The following GNGT1 variants were observed in gnomAD, a reference collection of about 807,000 sequenced individuals.
GNGT1 encodes the protein G protein subunit gamma transducin 1, also known as guanine nucleotide-binding protein G(T) subunit gamma-T1.
In GNGT1, 4 loss-of-function variants were observed where a neutral mutation model predicts 7.4. The ratio of observed to expected loss-of-function variants is 0.54; its 90% CI spans 0.27 to 1.24. GNGT1 has a LOEUF of 1.24. GNGT1 is among the 50% of genes most tolerant of loss of function. GNGT1 has a pLI of 0.12. For missense variants in GNGT1, 95 were observed against 82.4 expected (o/e 1.15, Z -0.59); for synonymous variants, 37 against 30.2 (o/e 1.23, Z -0.74).
intron 2 of GNGT1, among the ~76,000 whole-genome samples, chr7:93,909,064 CT>C (rs1794419959): frequency 6.6e-6 from 1 of 152,124 alleles, no homozygotes; most frequent in Admixed American, 6.5e-5. Context: ...ATTATTGATT[CT>C]ATGAACCAGA....
Position 93,906,720 on chromosome 7 carries a change from CCTT to C in GNGT1, c.-11-13_-11-11del, listed in dbSNP as rs769341718. The C allele has an allele frequency of 5.9e-6, 8 of 1,365,404 alleles. No individual in the cohort carries two copies. In the African/African-American group the frequency reaches 1.2e-4, roughly 20 times the overall value. 84.6% of individuals were successfully genotyped at this position (1,365,404 alleles called of 1,614,324 possible). A position where few individuals can be genotyped will look rare whatever the true frequency, so the allele number is the denominator to read the frequency against. ...CCAGCAATTCATGCATAGCTGCTAACCTTCTACATCTTCAGCAGGCAAAAAGAT... is the reference window on the plus strand; with the variant it reads ...CCAGCAATTCATGCATAGCTGCTAACCTACATCTTCAGCAGGCAAAAAGAT... On this transcript the variant is annotated splice_polypyrimidine_tract_variant and intron_variant, in intron 1 of 2. Coordinates refer to ENST00000248572, the MANE Select transcript of GNGT1 (RefSeq NM_021955.5).
chr7:93,910,296 C>A (rs568451094), intron 2 of GNGT1: 2 of 152,282 alleles, frequency 1.3e-5, no homozygotes, highest in African/African-American at 4.8e-5. Flanking sequence ...TTGAAGCTCA[C>A]CTAGTGCACC....
rs776376731 is a variant in GNGT1, at chr7:93,910,869, A to T, written c.176A>T (p.Glu59Val). The T allele has an allele frequency of 1.2e-6, 2 of 1,609,668 alleles. No individual in the cohort carries two copies. The highest frequency in any genetic ancestry group is 2.2e-5 in the South Asian group (2 of 90,614). The change falls in exon 3 of 3, where the codon GAG becomes GTG. Residue 59 changes from glutamate to valine, a missense_variant. Transcript: ENST00000248572. ...GEDPLVKGIPEDKNPFKELKG... is the reference protein window; with the variant it reads ...GEDPLVKGIPVDKNPFKELKG... Reference sequence around the variant, plus strand: ...GATCCACTGGTAAAGGGCATCCCAGAGGACAAAAATCCCTTCAAGGAGCTC... The same window carrying T: ...GATCCACTGGTAAAGGGCATCCCAGTGGACAAAAATCCCTTCAAGGAGCTC...
chr7:93,909,812 G>T (rs1156503031), intron 2 of GNGT1: 22 of 221,654 alleles, frequency 9.9e-5, no homozygotes, highest in South Asian at 1.9e-4. Context: ...ATGTTCCTTG[G>T]AATTTACATA....
At chr7:93,909,573 G>A (rs1249677154) in intron 2 of GNGT1, 1 of 687,264 alleles carries the variant, frequency 1.5e-6, no homozygotes, top group East Asian at 2.7e-5. Context: ...TCTGGGTGAA[G>A]CCAAAAGTAG....
Position 93,906,598 on chromosome 7 carries a change from T to C in GNGT1, c.-58T>C, listed in dbSNP as rs573732840. 30 of 610,416 alleles carry C rather than the reference T, an allele frequency of 4.9e-5. No homozygotes were observed. The highest frequency in any genetic ancestry group is 4.8e-4 in the South Asian group (23 of 48,248). The allele number at this position is 610,416 out of a possible 1,614,324, so 37.8% of individuals were successfully genotyped here. A position where few individuals can be genotyped will look rare whatever the true frequency, so the allele number is the denominator to read the frequency against. ...GTTAAGAGAGAGAGCTCATATGAAA[T>C]TGGTTATCGTGGGATATTTAAAATA... On this transcript the variant is annotated 5_prime_UTR_variant, in exon 1 of 3. Transcript: ENST00000248572.
In GNGT1 at chr7:93,906,589, C is replaced by T; in HGVS notation, c.-67C>T. On this transcript the variant is annotated 5_prime_UTR_variant, in exon 1 of 3. Transcript: ENST00000248572. ...GCTAGAATTGTTAAGAGAGAGAGCT[C>T]ATATGAAATTGGTTATCGTGGGATA... is the stretch of plus-strand genomic sequence containing the variant. 1.7e-6 allele frequency: 1 copy of T among 600,160 alleles called. No individual in the cohort carries two copies. Among genetic ancestry groups the T allele is most frequent in the African/African-American group, 2.0e-5 (1 of 51,014 alleles). 37.2% of individuals were successfully genotyped at this position (600,160 alleles called of 1,614,324 possible).
Position 93,911,001 on chromosome 7 carries a change from C to T in GNGT1, c.*83C>T, listed in dbSNP as rs1202858588. 5.6e-6 allele frequency: 5 copies of T among 897,974 alleles called. No individual in the cohort carries two copies. The highest frequency in any genetic ancestry group is 2.3e-5 in the South Asian group (1 of 43,842). 55.6% of individuals were successfully genotyped at this position (897,974 alleles called of 1,614,324 possible). The stretch of plus-strand genomic sequence containing the variant: ...ACAATATGAATTTTTCTCATGCATA[C>T]TATTACTACTAAGCATGTACGTGAA... On this transcript the variant is annotated 3_prime_UTR_variant, in exon 3 of 3. Transcript: ENST00000248572.
At position 93,911,092 on chromosome 7, in the gene GNGT1, T is replaced by G. The variant is rs927739122; in HGVS notation, c.*174T>G. 70 of 368,348 alleles carry G rather than the reference T, an allele frequency of 1.9e-4. No homozygotes were observed. The highest frequency in any genetic ancestry group is 1.2e-3 in the African/African-American group (58 of 47,986). The allele number at this position is 368,348 out of a possible 1,614,324, so 22.8% of individuals were successfully genotyped here. ...GTGTGGTAACCCATCATTCTATGTT[T>G]TTCTTAACATAGCTGGCACAGGGTT... On this transcript the variant is annotated 3_prime_UTR_variant, in exon 3 of 3. Transcript: ENST00000248572.
chr7:93,908,401 C>G (rs1018994796), intron 2 of GNGT1, among the ~76,000 whole-genome samples: 1 of 151,910 alleles, frequency 6.6e-6, no homozygotes, highest in East Asian at 1.9e-4. Context: ...AAGACATCAG[C>G]AGATTCAGCG....
intron 2 of GNGT1, among the ~76,000 whole-genome samples, chr7:93,908,096 C>T (rs1000792484): frequency 6.6e-6 from 1 of 152,108 alleles, no homozygotes; most frequent in African/African-American, 2.4e-5. Context: ...GGTAAGTTCA[C>T]CTTGGACTTT....
At chr7:93,909,557 C>A in intron 2 of GNGT1, 1 of 698,742 alleles carries the variant, frequency 1.4e-6, no homozygotes, top group Non-Finnish European at 2.6e-6. Context: ...ACCTCTGTTC[C>A]TGTCATCTGG....
chr7:93,909,811 G>T, intron 2 of GNGT1: 1 of 238,484 alleles, frequency 4.2e-6, no homozygotes, highest in Non-Finnish European at 7.9e-6. Context: ...AATGTTCCTT[G>T]GAATTTACAT....
Position 93,906,763 on chromosome 7 carries a change from T to C in GNGT1, c.17T>C (p.Ile6Thr). 2 of 1,602,952 alleles carry C rather than the reference T, an allele frequency of 1.2e-6. No homozygotes were observed. The highest frequency in any genetic ancestry group is 1.7e-6 in the Non-Finnish European group (2 of 1,173,212). Reference protein sequence around the residue: MPVINIEDLTEKDKLK... With the variant: MPVINTEDLTEKDKLK... ...GGCAAAAAGATGCCAGTAATCAATA[T>C]TGAGGACCTGACAGAAAAGGACAAA... The change falls in exon 2 of 3, where the codon ATT becomes ACT. Residue 6 changes from isoleucine to threonine, a missense_variant. Transcript: ENST00000248572.
At chr7:93,910,766 C>T in intron 2 of GNGT1, 24 bp from the exon 3 acceptor site, 2 of 1,554,844 alleles carry the variant, frequency 1.3e-6, no homozygotes, top group Non-Finnish European at 1.7e-6. Context: ...CCAAATGAGT[C>T]ATCCCTTTTT....
At chr7:93,909,472 C>T (rs1794426780) in intron 2 of GNGT1, 2 of 702,176 alleles carry the variant, frequency 2.8e-6, no homozygotes, top group Non-Finnish European at 5.2e-6. Context: ...CTTTCATTCT[C>T]ATATCCTCAG....
In GNGT1 at chr7:93,910,919, T is replaced by C. The variant is rs767579385; in HGVS notation, c.*1T>C. The C allele has an allele frequency of 1.9e-6, 3 of 1,556,522 alleles. No individual in the cohort carries two copies. Among genetic ancestry groups the C allele is most frequent in the South Asian group, 1.2e-5 (1 of 81,544 alleles). On this transcript the variant is annotated 3_prime_UTR_variant, in exon 3 of 3. Transcript: ENST00000248572. ...CAAAGGAGGCTGTGTGATTTCATAA[T>C]ACAAACAAAAAGAAAAAAAATTAAA...
chr7:93,909,847 A>C (rs1584091509), intron 2 of GNGT1: 1 of 22,922 alleles, frequency 4.4e-5, no homozygotes, highest in Non-Finnish European at 1.2e-4. Context: ...ATTTCATTTG[A>C]AAAAAAAAAA....
chr7:93,908,930 G>T (rs1484819050), intron 2 of GNGT1, among the ~76,000 whole-genome samples: 4 of 152,056 alleles, frequency 2.6e-5, no homozygotes, highest in Non-Finnish European at 5.9e-5. Context: ...AATAGCGATA[G>T]TAATAGCATT....
Sources: gnomAD v4.1 joint callset for allele counts (sites outside exome capture counted in the v4.1 genomes callset) on GRCh38, gnomAD v4.1.1 for gene constraint, MANE v1.5 for transcripts, NCBI Gene and HGNC (gene_info 2026-07-23, HGNC 2026-07-21) for gene names.